NDUFAF6: variants seen among roughly 807,000 people sequenced by gnomAD.
The protein encoded by NDUFAF6 is NADH dehydrogenase (ubiquinone) complex I, assembly factor 6.
A neutral mutation model predicts 40.8 loss-of-function variants in NDUFAF6; 45 were observed. The observed-to-expected ratio is 1.10, with a 90% CI of 0.87 to 1.42. The LOEUF (loss-of-function observed/expected upper bound fraction) is 1.42. Ranked by LOEUF, NDUFAF6 falls within the 40% of genes most tolerant of loss-of-function variation. The probability of loss-of-function intolerance (pLI) is 0.00; values close to 1 mark genes in which losing one functional copy is unlikely to be tolerated. For synonymous variants in NDUFAF6, 185 were observed against 155.9 expected, an observed-to-expected ratio of 1.19 and a Z score of -1.39; for missense variants, 435 against 418.5, an observed-to-expected ratio of 1.04 and a Z score of -0.34.
At chr8:94,940,365 A>C in intron 1 of NDUFAF6, 1 of 924,738 alleles carries the variant, frequency 1.1e-6, no homozygotes, top group Non-Finnish European at 1.6e-6. Flanking sequence ...GCTGATGCTC[A>C]CGTATCTTCT....
At chr8:95,051,636 G>A (rs755169872) in intron 7 of NDUFAF6, among the ~76,000 whole-genome samples, 1 of 152,168 alleles carries the variant, frequency 6.6e-6, no homozygotes, top group Non-Finnish European at 1.5e-5. Flanking sequence ...TTGGATGGAC[G>A]AGGTTAGAGT....
intron 2 of NDUFAF6, among the ~76,000 whole-genome samples, chr8:94,981,507 T>C (rs2131582207): frequency 6.6e-6 from 1 of 152,364 alleles, no homozygotes; most frequent in South Asian, 2.1e-4. Context: ...GCCATCTTAC[T>C]TCCATGTGAA....
chr8:95,035,907 C>A (rs1021910867), intron 3 of NDUFAF6, among the ~76,000 whole-genome samples: 5 of 148,368 alleles, frequency 3.4e-5, no homozygotes, highest in Non-Finnish European at 7.4e-5. Flanking sequence ...TCTGTTCTCT[C>A]TGCCTAGCAG....
upstream of NDUFAF6, among the ~76,000 whole-genome samples, chr8:95,024,096 T>G (rs955190377): frequency 6.6e-6 from 1 of 152,232 alleles, no homozygotes; most frequent in East Asian, 1.9e-4. Context: ...CAGGTTTACA[T>G]TGAAAATTTT....
In NDUFAF6 at chr8:95,057,813, C is replaced by T. The variant is rs1281527809; in HGVS notation, c.878C>T (p.Ser293Phe). 6.2e-7 allele frequency: 1 copy of T among 1,605,778 alleles called. No individual in the cohort carries two copies. Among genetic ancestry groups the T allele is most frequent in the South Asian group, 1.1e-5 (1 of 90,564 alleles). Residue 293 changes from serine (S) to phenylalanine (F), a missense_variant, in exon 9 of 9, where the codon TCT becomes TTT. Physicochemically the swap from Ser to Phe is radical, Grantham distance 155. Transcript: ENST00000396124. ...TCACTATTCTCTTTTTTCCAGGTTTCTCTAGAGGACTTTCTAAAGAAAATT... is the reference window on the plus strand; with the variant it reads ...TCACTATTCTCTTTTTTCCAGGTTTTTCTAGAGGACTTTCTAAAGAAAATT... Reference protein sequence around the residue: ...KAFPAFLQTVSLEDFLKKIQR... With the variant: ...KAFPAFLQTVFLEDFLKKIQR...
downstream of NDUFAF6, among the ~76,000 whole-genome samples, chr8:95,080,521 G>A (rs1411258696): frequency 6.7e-6 from 1 of 149,432 alleles, no homozygotes; most frequent in Non-Finnish European, 1.5e-5. Context: ...GTGTATTTTT[G>A]TAGTGTATTT....
chr8:94,999,417 C>T (rs1328197934), intron 2 of NDUFAF6, among the ~76,000 whole-genome samples: 1 of 148,612 alleles, frequency 6.7e-6, no homozygotes, highest in Non-Finnish European at 1.5e-5. Flanking sequence ...CTGCCACACC[C>T]AGCCTCTTTT....
chr8:94,986,384 T>G (rs1465588396), intron 2 of NDUFAF6, among the ~76,000 whole-genome samples: 1 of 152,364 alleles, frequency 6.6e-6, no homozygotes, highest in African/African-American at 2.4e-5. Context: ...CCTTTGCAGC[T>G]TTGTATCTGG....
At chr8:95,040,428 T>A (rs1215228368) in intron 3 of NDUFAF6, among the ~76,000 whole-genome samples, 1 of 152,238 alleles carries the variant, frequency 6.6e-6, no homozygotes, top group Non-Finnish European at 1.5e-5. Flanking sequence ...GGAGACATTT[T>A]AAGACTGCAA....
intron 1 of NDUFAF6, among the ~76,000 whole-genome samples, chr8:94,897,835 G>A (rs1347112072): frequency 2.0e-5 from 3 of 151,254 alleles, no homozygotes; most frequent in Non-Finnish European, 4.4e-5. Context: ...ACTCGACCTC[G>A]GAAATTGTTT....
At chr8:94,987,691 C>T (rs1825992176) in intron 2 of NDUFAF6, among the ~76,000 whole-genome samples, 1 of 152,144 alleles carries the variant, frequency 6.6e-6, no homozygotes, top group Non-Finnish European at 1.5e-5. Context: ...GAAGCCCCAC[C>T]CCCTCCTATG....
chr8:94,974,787 T>C (rs76215523), intron 1 of NDUFAF6: 26,110 of 173,414 alleles, frequency 0.15, 2,180 homozygotes, highest in Middle Eastern at 0.25. Context: ...TAGCCAAGCC[T>C]TTCCTTGTTA....
chr8:95,057,780 T>A (rs1832376624), intron 8 of NDUFAF6, 29 bp from the exon 9 acceptor site: 1 of 1,548,704 alleles, frequency 6.5e-7, no homozygotes, highest in South Asian at 1.2e-5. Flanking sequence ...CATTTTATGA[T>A]CTGGTGATCA....
At chr8:95,072,654 A>G (rs1392056333) in intron 9 of NDUFAF6, 2 of 152,282 alleles carry the variant, frequency 1.3e-5, no homozygotes, top group African/African-American at 4.8e-5. Flanking sequence ...TTGCTCCTGC[A>G]TTGAGGTTGG....
At chr8:94,903,145 G>A in intron 1 of NDUFAF6, among the ~76,000 whole-genome samples, 1 of 152,100 alleles carries the variant, frequency 6.6e-6, no homozygotes, top group East Asian at 1.9e-4. Context: ...GGAAACAGGA[G>A]GATCGATTGA....
At chr8:94,912,730 G>A (rs990590362) in intron 1 of NDUFAF6, among the ~76,000 whole-genome samples, 2 of 150,030 alleles carry the variant, frequency 1.3e-5, no homozygotes, top group African/African-American at 4.9e-5. Context: ...GGAGAATGGC[G>A]TGAACCCGGG....
intron 8 of NDUFAF6, among the ~76,000 whole-genome samples, chr8:95,056,509 G>A (rs930920374): frequency 6.6e-6 from 1 of 152,050 alleles, no homozygotes; most frequent in Non-Finnish European, 1.5e-5. Context: ...CACCACGCGT[G>A]GTCTCTGGAT....
chr8:95,046,896 G>A (rs1244543973), intron 5 of NDUFAF6, 98 bp from the exon 6 acceptor site: 2 of 1,519,744 alleles, frequency 1.3e-6, no homozygotes, highest in African/African-American at 1.4e-5. Context: ...CAGGATAAAT[G>A]TCTCCTTTTA....
intron 1 of NDUFAF6, among the ~76,000 whole-genome samples, chr8:94,912,988 T>C (rs1818891807): frequency 6.6e-6 from 1 of 152,112 alleles, no homozygotes; most frequent in Non-Finnish European, 1.5e-5. Context: ...AATCAATCAA[T>C]AGATAATAAA....
Sources: allele counts gnomAD v4.1 joint callset (sites outside exome capture counted in the v4.1 genomes callset), GRCh38; gene constraint gnomAD v4.1.1; transcripts MANE v1.5; gene names NCBI Gene and HGNC (gene_info 2026-07-23, HGNC 2026-07-21).